The following HMG20A variants were observed in gnomAD, a reference collection of about 807,000 sequenced individuals.
The protein encoded by HMG20A is high mobility group 20A.
A neutral mutation model predicts 43.9 loss-of-function variants in HMG20A; 17 were observed. That is an observed-to-expected ratio of 0.39 (90% CI 0.27 to 0.58). The LOEUF (loss-of-function observed/expected upper bound fraction) is 0.58, where lower values mean the gene tolerates loss of function less well. Ranked by LOEUF, HMG20A falls within the 20% of genes least tolerant of loss-of-function variation. The pLI is 0.59. For missense variants in HMG20A, 341 were observed against 438.2 expected (o/e 0.78, Z 1.98); for synonymous variants, 132 against 147.5 (o/e 0.89, Z 0.76).
chr15:77,516,639 T>A, the HMG20A span, among the ~76,000 whole-genome samples: 713 of 150,622 alleles, frequency 4.7e-3, 9 homozygotes, highest in African/African-American at 0.016. Flanking sequence ...CCCTCAAGAG[T>A]CCCCAGGGGA....
chr15:77,515,323 C>T, the HMG20A span, among the ~76,000 whole-genome samples: 1 of 152,148 alleles, frequency 6.6e-6, no homozygotes, highest in South Asian at 2.1e-4. Flanking sequence ...GCAGTACTGG[C>T]CTTCCAAGTG....
chr15:77,493,581 A>C, the HMG20A span, among the ~76,000 whole-genome samples: 1 of 152,224 alleles, frequency 6.6e-6, no homozygotes, highest in Admixed American at 6.5e-5. Context: ...CTACTCTGTG[A>C]AGCATTGAAA....
chr15:77,491,176 G>A, the HMG20A span, among the ~76,000 whole-genome samples: 25 of 152,222 alleles, frequency 1.6e-4, no homozygotes, highest in Non-Finnish European at 3.1e-4. Context: ...CTGCTTAAAA[G>A]AGACTGGTCA....
chr15:77,448,585 CATT>C (rs1194790264), intron 1 of HMG20A, among the ~76,000 whole-genome samples: 1 of 152,150 alleles, frequency 6.6e-6, no homozygotes, highest in Admixed American at 6.5e-5. Flanking sequence ...AACTATGTAT[CATT>C]ATTCATTTTA....
At chr15:77,472,504 G>A (rs1724194182) in intron 6 of HMG20A, among the ~76,000 whole-genome samples, 2 of 152,302 alleles carry the variant, frequency 1.3e-5, no homozygotes, top group Admixed American at 6.5e-5. Context: ...TCGATCTCCT[G>A]ACCTCATGAT....
At chr15:77,514,032 T>C in the HMG20A span, among the ~76,000 whole-genome samples, 1 of 152,318 alleles carries the variant, frequency 6.6e-6, no homozygotes, top group South Asian at 2.1e-4. Flanking sequence ...CCTTTTTTCC[T>C]ACTGTCTACA....
the HMG20A span, among the ~76,000 whole-genome samples, chr15:77,505,841 C>G: frequency 6.6e-6 from 1 of 152,198 alleles, no homozygotes; most frequent in African/African-American, 2.4e-5. Context: ...GATCTGCAGC[C>G]CTGAGCTGTG....
intron 6 of HMG20A, among the ~76,000 whole-genome samples, chr15:77,476,723 A>C (rs754153892): frequency 1.3e-5 from 2 of 152,152 alleles, no homozygotes; most frequent in Non-Finnish European, 2.9e-5. Context: ...AACACACTTA[A>C]AATTAATATT....
At chr15:77,505,364 T>A in the HMG20A span, among the ~76,000 whole-genome samples, 1 of 152,190 alleles carries the variant, frequency 6.6e-6, no homozygotes, top group Admixed American at 6.5e-5. Context: ...TCCTAGGACA[T>A]CTTCTTCAGT....
At position 77,433,803 on chromosome 15, in the gene HMG20A, A is replaced by G. The variant is rs78677785; in HGVS notation, c.-5+12799A>G. 4.3e-3 allele frequency among the ~76,000 whole-genome samples: 661 copies of G among 152,352 alleles called. 6 individuals are homozygous for G. The highest frequency in any genetic ancestry group is 0.015 in the African/African-American group (627 of 41,578). ...TTGGAAGACTTGGTATTGTAAAGATATCATTTCTCTCCAAATTGCTCTATA... is the reference window on the plus strand; with the variant it reads ...TTGGAAGACTTGGTATTGTAAAGATGTCATTTCTCTCCAAATTGCTCTATA... On this transcript the variant is annotated intron_variant, in intron 1 of 9. Coordinates refer to ENST00000336216, the MANE Select transcript of HMG20A (RefSeq NM_001304504.2).
intron 1 of HMG20A, among the ~76,000 whole-genome samples, chr15:77,430,353 T>C (rs1462852029): frequency 1.3e-5 from 2 of 152,218 alleles, no homozygotes; most frequent in South Asian, 2.1e-4. Context: ...TTTCCACTTA[T>C]GACTCTGAGA....
In HMG20A at chr15:77,470,895, G is replaced by C. The variant is rs748136105; in HGVS notation, c.451-15G>C. On this transcript the variant is annotated splice_polypyrimidine_tract_variant and intron_variant, in intron 4 of 9. Coordinates refer to ENST00000336216, the MANE Select transcript of HMG20A (RefSeq NM_001304504.2). The stretch of plus-strand genomic sequence containing the variant: ...ATCTCATTTTCTTGAAAATAATTCT[G>C]TATTTCTTTCCTAGCGCTACCTTGA... 6 of 1,550,046 alleles carry C rather than the reference G, an allele frequency of 3.9e-6. No individual in the cohort carries two copies. In the Admixed American group the frequency reaches 1.3e-4, roughly 35 times the overall value.
At chr15:77,434,338 A>G in intron 1 of HMG20A, among the ~76,000 whole-genome samples, 1 of 131,850 alleles carries the variant, frequency 7.6e-6, no homozygotes, top group East Asian at 2.0e-4. Context: ...GAAATTAAAA[A>G]CTTCATAAAC....
At chr15:77,472,569 C>T (rs1380858788) in intron 6 of HMG20A, among the ~76,000 whole-genome samples, 3 of 152,238 alleles carry the variant, frequency 2.0e-5, no homozygotes, top group African/African-American at 7.2e-5. Context: ...CCACCACGCC[C>T]GGCCCAGTAT....
chr15:77,478,405 G>A lies in HMG20A; in HGVS notation c.802G>A (p.Glu268Lys). 1 of 1,613,390 alleles carries A rather than the reference G, an allele frequency of 6.2e-7. No homozygotes were observed. The highest frequency in any genetic ancestry group is 8.5e-7 in the Non-Finnish European group (1 of 1,180,048). Reference sequence around the variant, plus strand: ...CATGCGCACAGCAGTGGAGAAGCTGGAGGTGGATGTGATCCAGGAGCGGAG... The same window carrying A: ...CATGCGCACAGCAGTGGAGAAGCTGAAGGTGGATGTGATCCAGGAGCGGAG... Reference protein sequence around the residue: ...ESMRTAVEKLEVDVIQERSRN... With the variant: ...ESMRTAVEKLKVDVIQERSRN... Residue 268 changes from glutamate (E) to lysine (K), a missense_variant, in exon 8 of 10, where the codon GAG becomes AAG. Physicochemically the swap from Glu to Lys is moderately conservative, Grantham distance 56. This residue lies in a region of HMG20A where 118 missense variants were observed against 154.5 expected (regional missense o/e 0.76). Transcript: ENST00000336216.
chr15:77,481,643 TAG>T (rs2072906290), intron 9 of HMG20A, among the ~76,000 whole-genome samples: 1 of 152,212 alleles, frequency 6.6e-6, no homozygotes, highest in African/African-American at 2.4e-5. Flanking sequence ...TTTGAAAACT[TAG>T]AATATTACTA....
At chr15:77,424,430 T>A (rs1176307728) in intron 1 of HMG20A, among the ~76,000 whole-genome samples, 1 of 152,132 alleles carries the variant, frequency 6.6e-6, no homozygotes, top group African/African-American at 2.4e-5. Flanking sequence ...CATGAGCAAT[T>A]TATTTGACCT....
the HMG20A span, among the ~76,000 whole-genome samples, chr15:77,500,227 C>G: frequency 6.6e-6 from 1 of 152,138 alleles, no homozygotes; most frequent in Non-Finnish European, 1.5e-5. Flanking sequence ...TAGCATGAAA[C>G]TAAGATGAAA....
chr15:77,463,414 C>T (rs745688676), intron 2 of HMG20A, among the ~76,000 whole-genome samples: 8 of 152,150 alleles, frequency 5.3e-5, no homozygotes, highest in Non-Finnish European at 8.8e-5. Context: ...AGAATAATGA[C>T]TGAATATTAC....
Sources: allele counts gnomAD v4.1 joint callset (sites outside exome capture counted in the v4.1 genomes callset), GRCh38; gene constraint gnomAD v4.1.1; regional missense constraint gnomAD v4.1.1; transcripts MANE v1.5; gene names NCBI Gene and HGNC (gene_info 2026-07-23, HGNC 2026-07-21).